DNAH11: variants seen among roughly 807,000 people sequenced by gnomAD.
DNAH11 encodes axonemal beta dynein heavy chain 11.
DNAH11 carries 442 observed loss-of-function variants against 526.0 expected under a neutral mutation model. The ratio of observed to expected loss-of-function variants is 0.84; its 90% CI spans 0.78 to 0.91. DNAH11 has a LOEUF of 0.91. Ranked by LOEUF, DNAH11 falls within the 40% of genes least tolerant of loss-of-function variation. DNAH11 has a pLI of 0.00. For missense variants in DNAH11, 6,989 were observed against 5,448.7 expected (o/e 1.28, Z -8.90); for synonymous variants, 2,461 against 1,935.9 (o/e 1.27, Z -7.12).
At chr7:21,834,621 A>G (rs1019289127) in intron 65 of DNAH11, among the ~76,000 whole-genome samples, 1 of 152,158 alleles carries the variant, frequency 6.6e-6, no homozygotes, top group Non-Finnish European at 1.5e-5. Flanking sequence ...TCGCTTGAGG[A>G]CAGGAGTTTG....
intron 49 of DNAH11, among the ~76,000 whole-genome samples, chr7:21,742,746 T>C (rs936547524): frequency 7.2e-5 from 11 of 152,350 alleles, no homozygotes; most frequent in Admixed American, 2.6e-4. Context: ...AGGAAGTAAG[T>C]ATGGCAGGTT....
At chr7:21,851,952 G>A (rs1054138094) in intron 66 of DNAH11, among the ~76,000 whole-genome samples, 6 of 151,974 alleles carry the variant, frequency 3.9e-5, no homozygotes, top group East Asian at 1.9e-4. Flanking sequence ...ATTGTTAAGC[G>A]TTTATACTCT....
rs1286605194 is a variant in DNAH11, at chr7:21,819,575, T to G, written c.10691+1236T>G. ...AAATCCTTGTTATTAAGGTTCTGAC[T>G]CTATTATGAAGACTTAAAATTTTTA... is the stretch of plus-strand genomic sequence containing the variant. On this transcript the variant is annotated intron_variant, in intron 65 of 81. Coordinates refer to ENST00000409508, the MANE Select transcript of DNAH11 (RefSeq NM_001277115.2). Among the ~76,000 whole-genome samples, 4 of 152,320 alleles carry G rather than the reference T, an allele frequency of 2.6e-5. No homozygotes were observed. In the East Asian group the frequency reaches 7.7e-4, roughly 29 times the overall value.
intron 25 of DNAH11, among the ~76,000 whole-genome samples, chr7:21,624,989 C>T (rs1008855403): frequency 2.6e-5 from 4 of 151,838 alleles, no homozygotes; most frequent in Non-Finnish European, 5.9e-5. Context: ...ATATTGGCTT[C>T]TAATTTTCTT....
At chr7:21,841,869 A>C (rs1207404209) in intron 65 of DNAH11, among the ~76,000 whole-genome samples, 1 of 152,176 alleles carries the variant, frequency 6.6e-6, no homozygotes, top group Non-Finnish European at 1.5e-5. Context: ...ATTGCTTTTG[A>C]ACTGTGTGGT....
At chr7:21,810,201 C>T (rs536800058) in intron 63 of DNAH11, among the ~76,000 whole-genome samples, 39 of 152,180 alleles carry the variant, frequency 2.6e-4, no homozygotes, top group African/African-American at 8.4e-4. Context: ...TAGATTTGCA[C>T]GATGTAAAAT....
At chr7:21,720,957 A>G (rs1338532788) in intron 44 of DNAH11, 101 bp downstream of exon 44, 2 of 1,405,980 alleles carry the variant, frequency 1.4e-6, no homozygotes, top group Non-Finnish European at 9.5e-7. Context: ...GTTATGTTAT[A>G]GATCTATACT....
intron 25 of DNAH11, among the ~76,000 whole-genome samples, chr7:21,620,826 G>C (rs1332098848): frequency 1.3e-5 from 2 of 148,522 alleles, no homozygotes; most frequent in African/African-American, 5.0e-5. Context: ...TTGGTTTTTT[G>C]TTCTTGTGAT....
At chr7:21,702,949 C>T (rs188037517) in intron 37 of DNAH11, 147 bp downstream of exon 37, 20 of 688,768 alleles carry the variant, frequency 2.9e-5, no homozygotes, top group East Asian at 5.8e-5. Context: ...TGAGGATTGG[C>T]GTTCCTTATA....
intron 30 of DNAH11, among the ~76,000 whole-genome samples, chr7:21,666,151 C>A (rs1782413331): frequency 6.6e-6 from 1 of 151,824 alleles, no homozygotes; most frequent in South Asian, 2.1e-4. Context: ...ATAAATAAAC[C>A]AAGGTAATAA....
chr7:21,794,873 A>C (rs1204036718), intron 61 of DNAH11, among the ~76,000 whole-genome samples: 1 of 152,178 alleles, frequency 6.6e-6, no homozygotes, highest in African/African-American at 2.4e-5. Flanking sequence ...CACTTTCTCC[A>C]GTGTAGGAAC....
At chr7:21,900,157 T>TTACTCAGGTTCAG (rs760328945) in intron 81 of DNAH11, 37 bp downstream of exon 81, 24 of 1,579,934 alleles carry the variant, frequency 1.5e-5, no homozygotes, top group Non-Finnish European at 2.1e-5. Context: ...GAACCTTTTC[T>TTACTCAGGTTCAG]TACTCAGGTT....
At chr7:21,587,633 ATTAT>A (rs538296624) in intron 9 of DNAH11, among the ~76,000 whole-genome samples, 59 of 152,084 alleles carry the variant, frequency 3.9e-4, no homozygotes, top group Non-Finnish European at 6.8e-4. Context: ...ATCTGGTATA[ATTAT>A]TCATGCTGTG....
intron 79 of DNAH11, among the ~76,000 whole-genome samples, chr7:21,899,083 G>A (rs775652605): frequency 1.7e-4 from 26 of 152,170 alleles, no homozygotes; most frequent in Non-Finnish European, 3.2e-4. Context: ...TGCATAAATG[G>A]AAATGAGTTT....
intron 65 of DNAH11, among the ~76,000 whole-genome samples, chr7:21,823,963 C>T (rs1238982887): frequency 1.3e-5 from 2 of 152,112 alleles, no homozygotes; most frequent in Non-Finnish European, 2.9e-5. Context: ...CTTGAACAAG[C>T]CTAGAGCCTG....
At chr7:21,826,535 A>C (rs1790308226) in intron 65 of DNAH11, among the ~76,000 whole-genome samples, 1 of 152,236 alleles carries the variant, frequency 6.6e-6, no homozygotes, top group South Asian at 2.1e-4. Context: ...ATGTTTGTAA[A>C]TTTTATAATG....
At chr7:21,875,935 G>C (rs1407344782) in intron 74 of DNAH11, among the ~76,000 whole-genome samples, 1 of 140,174 alleles carries the variant, frequency 7.1e-6, no homozygotes, top group Non-Finnish European at 1.5e-5. Flanking sequence ...CCAGGCTGGA[G>C]TGCAGTGGTA....
chr7:21,785,338 C>A (rs1452686409), intron 58 of DNAH11, among the ~76,000 whole-genome samples: 1 of 152,054 alleles, frequency 6.6e-6, no homozygotes, highest in African/African-American at 2.4e-5. Flanking sequence ...TCTTAGAGTA[C>A]CATAAAACTG....
intron 61 of DNAH11, among the ~76,000 whole-genome samples, chr7:21,791,703 A>G (rs920554023): frequency 1.3e-5 from 2 of 152,190 alleles, no homozygotes; most frequent in Non-Finnish European, 2.9e-5. Flanking sequence ...ATGCATTAAG[A>G]TACTATTTAG....
Sources: allele counts gnomAD v4.1 joint callset (sites outside exome capture counted in the v4.1 genomes callset), GRCh38; gene constraint gnomAD v4.1.1; transcripts MANE v1.5; gene names NCBI Gene and HGNC (gene_info 2026-07-23, HGNC 2026-07-21).